Variants in ULK4 observed in about 807,000 individuals in gnomAD.
ULK4 encodes inactive serine/threonine-protein kinase ULK4.
Under a neutral mutation model 160.6 loss-of-function variants are expected in ULK4, and 133 were observed. The ratio of observed to expected loss-of-function variants is 0.83; its 90% CI spans 0.72 to 0.96. The LOEUF (loss-of-function observed/expected upper bound fraction) is 0.96. ULK4 is among the 40% of genes least tolerant of loss of function. The pLI is 0.00. For missense variants in ULK4, 1,580 were observed against 1,499.5 expected (o/e 1.05, Z -0.89); for synonymous variants, 534 against 539.8 (o/e 0.99, Z 0.15).
At chr3:41,849,654 CAAT>C (rs1278318137) in intron 17 of ULK4, among the ~76,000 whole-genome samples, 1 of 152,064 alleles carries the variant, frequency 6.6e-6, no homozygotes, top group Non-Finnish European at 1.5e-5. Context: ...CTTTGGGTGA[CAAT>C]AATGTGTCAA....
intron 18 of ULK4, among the ~76,000 whole-genome samples, chr3:41,830,021 T>C (rs1460621755): frequency 2.0e-5 from 3 of 151,586 alleles, no homozygotes. Flanking sequence ...CTGGAAACCA[T>C]CATTCTAAGC....
chr3:41,799,123 C>G (rs1380005708), intron 20 of ULK4, among the ~76,000 whole-genome samples: 1 of 151,942 alleles, frequency 6.6e-6, no homozygotes, highest in East Asian at 1.9e-4. Flanking sequence ...GGAAAGAACA[C>G]AAAGTAAGAA....
chr3:41,495,161 C>T (rs1235023795), intron 32 of ULK4, among the ~76,000 whole-genome samples: 1 of 152,206 alleles, frequency 6.6e-6, no homozygotes, highest in Non-Finnish European at 1.5e-5. Context: ...GGAGGCATCA[C>T]ACTACCTGAC....
At chr3:41,562,395 A>G (rs1005140597) in intron 32 of ULK4, among the ~76,000 whole-genome samples, 2 of 152,160 alleles carry the variant, frequency 1.3e-5, no homozygotes, top group African/African-American at 4.8e-5. Context: ...TGCAGAGCTG[A>G]GTTCAAGTCC....
intron 35 of ULK4, among the ~76,000 whole-genome samples, chr3:41,335,856 G>A (rs1452787483): frequency 6.6e-6 from 1 of 152,126 alleles, no homozygotes; most frequent in Non-Finnish European, 1.5e-5. Flanking sequence ...AGGTGGAAAG[G>A]AACACGTCAA....
At chr3:41,542,617 C>A (rs2086733682) in intron 32 of ULK4, among the ~76,000 whole-genome samples, 2 of 152,118 alleles carry the variant, frequency 1.3e-5, no homozygotes, top group Admixed American at 1.3e-4. Context: ...CTTTGTACCT[C>A]TGGTGGAATT....
At chr3:41,961,372 C>G (rs533466488) in intron 1 of ULK4, among the ~76,000 whole-genome samples, 1 of 152,326 alleles carries the variant, frequency 6.6e-6, no homozygotes, top group South Asian at 2.1e-4. Flanking sequence ...GCCTGGCCTT[C>G]TGTGTTACTA....
intron 35 of ULK4, among the ~76,000 whole-genome samples, chr3:41,365,895 G>A (rs188033368): frequency 1.1e-3 from 161 of 152,026 alleles, no homozygotes; most frequent in Admixed American, 2.4e-3. Flanking sequence ...CTTGATTAAA[G>A]ACATAAATCA....
At chr3:41,889,714 G>A (rs1697849421) in intron 16 of ULK4, among the ~76,000 whole-genome samples, 1 of 152,192 alleles carries the variant, frequency 6.6e-6, no homozygotes, top group Admixed American at 6.5e-5. Flanking sequence ...GAGTTTGGCA[G>A]TTCTTCAAAA....
intron 32 of ULK4, among the ~76,000 whole-genome samples, chr3:41,519,165 T>C (rs2085845787): frequency 2.0e-5 from 3 of 152,206 alleles, no homozygotes; most frequent in African/African-American, 7.2e-5. Context: ...ATCTTCAACC[T>C]GTTGGAATGG....
chr3:41,507,135 CA>C lies in ULK4; in HGVS notation c.3227-43883del, dbSNP rs11368634. ...AGACAAGTACCTTATAGATTCCGGC[CA>C]AAAAAAAAAATAGAATTATACATAA... On this transcript the variant is annotated intron_variant, in intron 32 of 36. Transcript: ENST00000301831. Among the ~76,000 whole-genome samples the C allele has an allele frequency of 1.9e-3, 235 of 121,362 alleles. 1 individual carries two copies. Among genetic ancestry groups the C allele is most frequent in the East Asian group, 0.019 (72 of 3,862 alleles). The allele number at this position is 121,362 out of a possible 152,430, so 79.6% of individuals were successfully genotyped here.
chr3:41,638,253 C>A (rs1184268739), intron 30 of ULK4, among the ~76,000 whole-genome samples: 1 of 152,024 alleles, frequency 6.6e-6, no homozygotes, highest in Non-Finnish European at 1.5e-5. Context: ...GATTCTTTTT[C>A]ATGTTTATTG....
At chr3:41,555,189 CAA>C (rs1362262293) in intron 32 of ULK4, among the ~76,000 whole-genome samples, 1 of 151,662 alleles carries the variant, frequency 6.6e-6, no homozygotes, top group Admixed American at 6.6e-5. Flanking sequence ...GAAAAAAATA[CAA>C]ACACACACAT....
intron 30 of ULK4, among the ~76,000 whole-genome samples, chr3:41,625,367 T>C (rs914967549): frequency 6.6e-6 from 1 of 152,218 alleles, no homozygotes; most frequent in Non-Finnish European, 1.5e-5. Context: ...TCTTAAAATG[T>C]GGTTTTAAAA....
At chr3:41,898,934 A>G (rs1265383673) in intron 13 of ULK4, among the ~76,000 whole-genome samples, 1 of 152,272 alleles carries the variant, frequency 6.6e-6, no homozygotes, top group African/African-American at 2.4e-5. Flanking sequence ...AAACAACAAA[A>G]TATTTCACAA....
At chr3:41,465,644 T>G (rs1407311544) in intron 32 of ULK4, among the ~76,000 whole-genome samples, 1 of 152,208 alleles carries the variant, frequency 6.6e-6, no homozygotes, top group Non-Finnish European at 1.5e-5. Context: ...GATTTTCTCA[T>G]GGAACTGTTC....
chr3:41,663,486 T>TGA (rs2035252389), intron 30 of ULK4, 121 bp downstream of exon 30: 1 of 877,486 alleles, frequency 1.1e-6, no homozygotes, highest in Non-Finnish European at 1.8e-6. Flanking sequence ...CTTAAAAAAA[T>TGA]GACGATTTTG....
At chr3:41,851,472 G>A (rs1392512498) in intron 17 of ULK4, among the ~76,000 whole-genome samples, 12 of 152,178 alleles carry the variant, frequency 7.9e-5, no homozygotes, top group East Asian at 5.8e-4. Flanking sequence ...TGCTGGATTC[G>A]GTTTGCCAGT....
intron 20 of ULK4, among the ~76,000 whole-genome samples, chr3:41,791,852 T>C (rs550742732): frequency 6.6e-5 from 10 of 152,204 alleles, no homozygotes; most frequent in Non-Finnish European, 1.2e-4. Flanking sequence ...TCCCTTTCCT[T>C]GTGGAACTAT....
Sources: gnomAD v4.1 joint callset for allele counts (sites outside exome capture counted in the v4.1 genomes callset) on GRCh38, gnomAD v4.1.1 for gene constraint, MANE v1.5 for transcripts, NCBI Gene and HGNC (gene_info 2026-07-23, HGNC 2026-07-21) for gene names.